RTTN: variants seen among roughly 807,000 people sequenced by gnomAD.
RTTN encodes the protein rotatin.
Under a neutral mutation model 269.2 loss-of-function variants are expected in RTTN, and 182 were observed. That is an observed-to-expected ratio of 0.68 (90% confidence interval 0.60 to 0.76). The LOEUF (loss-of-function observed/expected upper bound fraction) is 0.76. Ranked by LOEUF, RTTN falls within the 30% of genes least tolerant of loss-of-function variation. The pLI, the probability that RTTN is intolerant of heterozygous loss-of-function variation, is 0.00. For synonymous variants in RTTN, 1,006 were observed against 963.5 expected, an observed-to-expected ratio of 1.04 and a Z score of -0.82; for missense variants, 2,545 against 2,608.6, an observed-to-expected ratio of 0.98 and a Z score of 0.53.
intron 4 of RTTN, among the ~76,000 whole-genome samples, chr18:70,199,943 G>A (rs1276531658): frequency 1.3e-5 from 2 of 152,146 alleles, no homozygotes; most frequent in African/African-American, 4.8e-5. Context: ...TATCCTATAT[G>A]GTGTCAGGTG....
intron 39 of RTTN, among the ~76,000 whole-genome samples, chr18:70,049,687 T>C (rs78313388): frequency 0.012 from 1,894 of 152,320 alleles, 24 homozygotes; most frequent in Non-Finnish European, 0.02. Flanking sequence ...AAAGGTTACA[T>C]AAATGTCAGT....
chr18:70,188,825 A>G (rs2061605062), intron 9 of RTTN, among the ~76,000 whole-genome samples: 1 of 151,986 alleles, frequency 6.6e-6, no homozygotes, highest in African/African-American at 2.4e-5. Flanking sequence ...CTCCACTTCC[A>G]TTATCCTGTG....
chr18:70,137,391 A>C (rs1013292642), intron 21 of RTTN, among the ~76,000 whole-genome samples: 1 of 152,194 alleles, frequency 6.6e-6, no homozygotes, highest in Non-Finnish European at 1.5e-5. Flanking sequence ...AAAGTTTATA[A>C]TTCAAAGCAG....
chr18:70,204,348 G>A (rs910638466), intron 2 of RTTN, 85 bp from the exon 3 acceptor site: 4 of 1,321,288 alleles, frequency 3.0e-6, no homozygotes, highest in Admixed American at 4.6e-5. Flanking sequence ...ATTATTTTTG[G>A]TATATCAGAT....
intron 26 of RTTN, 55 bp from the exon 27 acceptor site, chr18:70,114,654 C>G: frequency 6.5e-7 from 1 of 1,532,564 alleles, no homozygotes; most frequent in East Asian, 2.3e-5. Context: ...TATATTGTTT[C>G]CTATAAAGGG....
intron 45 of RTTN, 82 bp downstream of exon 45, chr18:70,020,533 G>A (rs2056671506): frequency 1.6e-6 from 2 of 1,245,742 alleles, no homozygotes; most frequent in Non-Finnish European, 2.3e-6. Flanking sequence ...AATAATCTTA[G>A]AAATTGAGTT....
Position 70,088,053 on chromosome 18 carries a change from C to T in RTTN, c.4238G>A (p.Gly1413Glu). ...LANSCQNISGGLWGTVVNILL... is the reference protein window; with the variant it reads ...LANSCQNISGELWGTVVNILL... ...AATGTTCACCACAGTTCCCCAGAGC[C>T]CACCGGAAATGTTCTGACAACTGTT... is the stretch of plus-strand genomic sequence containing the variant. The change falls in exon 31 of 49, where the codon GGG becomes GAG. Residue 1413 changes from glycine (G) to glutamate (E), a missense_variant. Gly to Glu is a moderately conservative substitution (Grantham distance 98, BLOSUM62 -2). Coordinates refer to ENST00000640769, the MANE Select transcript of RTTN (RefSeq NM_173630.4). 3 of 1,613,942 alleles carry T rather than the reference C, an allele frequency of 1.9e-6. No homozygotes were observed. The highest frequency in any genetic ancestry group is 2.2e-5 in the East Asian group (1 of 44,876).
intron 5 of RTTN, among the ~76,000 whole-genome samples, chr18:70,198,943 T>C (rs898535347): frequency 1.3e-5 from 2 of 152,110 alleles, no homozygotes; most frequent in Non-Finnish European, 1.5e-5. Flanking sequence ...TCTCAGCACT[T>C]TGAGAGGCCA....
chr18:70,183,169 A>G (rs1238310765), intron 10 of RTTN, among the ~76,000 whole-genome samples: 1 of 152,252 alleles, frequency 6.6e-6, no homozygotes, highest in Non-Finnish European at 1.5e-5. Flanking sequence ...GTCCTACTAT[A>G]CCTGAAAACA....
chr18:70,129,418 T>C (rs1300616404), intron 23 of RTTN: 3 of 152,016 alleles, frequency 2.0e-5, no homozygotes, highest in African/African-American at 7.2e-5. Context: ...AGCATGATAC[T>C]AGCATAAAAA....
At position 70,197,754 on chromosome 18, in the gene RTTN, T is replaced by A. The variant is rs955662428; in HGVS notation, c.579-16A>T. The A allele has an allele frequency of 2.8e-6, 4 of 1,447,010 alleles. No homozygotes were observed. The highest frequency in any genetic ancestry group is 3.9e-6 in the Non-Finnish European group (4 of 1,028,580). The allele number at this position is 1,447,010 out of a possible 1,614,324, so 89.6% of individuals were successfully genotyped here. ...TCTTAAAGAGCTACAAAACATAGCG[T>A]TAATCATTTTTAAGAAGAGTTCATC... On this transcript the variant is annotated splice_polypyrimidine_tract_variant and intron_variant, in intron 5 of 48. Transcript: ENST00000640769.
chr18:70,139,972 G>T (rs2060215934), intron 20 of RTTN, 128 bp downstream of exon 20: 4 of 686,052 alleles, frequency 5.8e-6, no homozygotes, highest in African/African-American at 3.7e-5. Context: ...AAAAAAAAAT[G>T]AATGAGATAG....
chr18:70,036,867 C>T (rs1261633733), intron 40 of RTTN, among the ~76,000 whole-genome samples: 2 of 152,168 alleles, frequency 1.3e-5, no homozygotes, highest in African/African-American at 4.8e-5. Context: ...TTAATGTGTA[C>T]GGCTAAAAGA....
At chr18:70,184,712 T>TGTGTGTGTGTGTGTG (rs1282660729) in intron 10 of RTTN, among the ~76,000 whole-genome samples, 3 of 55,216 alleles carry the variant, frequency 5.4e-5, no homozygotes, top group African/African-American at 1.2e-4. Flanking sequence ...GGTTTTTTTT[T>TGTGTGTGTGTGTGTG]TTTTTGTGTG....
At chr18:70,018,792 A>C (rs1461796960) in intron 45 of RTTN, among the ~76,000 whole-genome samples, 1 of 147,040 alleles carries the variant, frequency 6.8e-6, no homozygotes, top group Non-Finnish European at 1.5e-5. Context: ...AGCAGATGTC[A>C]GTGCTCTCAA....
rs553775740 is a variant in RTTN at position 70,073,437 on chromosome 18, T to A, written c.4653+469A>T. On this transcript the variant is annotated intron_variant, in intron 34 of 48. Coordinates refer to ENST00000640769, the MANE Select transcript of RTTN (RefSeq NM_173630.4). The stretch of plus-strand genomic sequence containing the variant: ...CCACACTAGAATCATTTGAATGTTC[T>A]TCATATTGCCCTGCCCTTAAGCACA... Among the ~76,000 whole-genome samples, 85 of 152,310 alleles carry A rather than the reference T, an allele frequency of 5.6e-4. 1 individual carries two copies. The highest frequency in any genetic ancestry group is 2.0e-3 in the African/African-American group (83 of 41,570).
intron 40 of RTTN, among the ~76,000 whole-genome samples, chr18:70,036,751 T>C (rs2144676542): frequency 6.6e-6 from 1 of 152,350 alleles, no homozygotes; most frequent in South Asian, 2.1e-4. Flanking sequence ...AAGCCTATAC[T>C]GTCTGTCCTC....
At chr18:70,163,500 C>T (rs1222681472) in intron 14 of RTTN, among the ~76,000 whole-genome samples, 1 of 152,056 alleles carries the variant, frequency 6.6e-6, no homozygotes, top group East Asian at 1.9e-4. Context: ...AGGGCAATTC[C>T]TCAAAAATTA....
At position 70,092,680 on chromosome 18, in the gene RTTN, C is replaced by T. The variant is rs1183679390; in HGVS notation, c.4028G>A (p.Ser1343Asn). 3 of 1,612,336 alleles carry T rather than the reference C, an allele frequency of 1.9e-6. No individual in the cohort carries two copies. The Admixed American group carries it at 5.0e-5, about 27-fold the overall frequency. Residue 1343 changes from serine to asparagine, a missense_variant, in exon 29 of 49, where the codon AGC (serine) becomes AAC (asparagine). Coordinates refer to ENST00000640769, the MANE Select transcript of RTTN (RefSeq NM_173630.4). ...AGACAGCTTTAACGCGCTCACCAAGCTCCCAGCCTGGGCCATCATCTCATG... is the reference window on the plus strand; with the variant it reads ...AGACAGCTTTAACGCGCTCACCAAGTTCCCAGCCTGGGCCATCATCTCATG... ...LSHEMMAQAGSLEWMSLWFLP... is the reference protein window; with the variant it reads ...LSHEMMAQAGNLEWMSLWFLP...
Sources: gnomAD v4.1 joint callset for allele counts (sites outside exome capture counted in the v4.1 genomes callset) on GRCh38, gnomAD v4.1.1 for gene constraint, MANE v1.5 for transcripts, NCBI Gene and HGNC (gene_info 2026-07-23, HGNC 2026-07-21) for gene names.